JAG1: variants seen among roughly 807,000 people sequenced by gnomAD.
JAG1 encodes jagged canonical Notch ligand 1.
In JAG1, 23 loss-of-function variants were observed where a neutral mutation model predicts 148.7. The observed-to-expected ratio is 0.15, with a 90% CI of 0.11 to 0.22. JAG1 has a LOEUF of 0.22. Among genes scored for constraint, JAG1 ranks in the 10% least tolerant of loss-of-function variants. The pLI, the probability that JAG1 is intolerant of heterozygous loss-of-function variation, is 1.00. For missense variants in JAG1, 1,054 were observed against 1,611.2 expected, an observed-to-expected ratio of 0.65 and a Z score of 5.92; for synonymous variants, 572 against 598.3, an observed-to-expected ratio of 0.96 and a Z score of 0.64.
intron 5 of JAG1, among the ~76,000 whole-genome samples, chr20:10,656,085 A>T (rs1057233225): frequency 6.6e-6 from 1 of 152,218 alleles, no homozygotes; most frequent in African/African-American, 2.4e-5. Flanking sequence ...ACAAGCCCAC[A>T]TCCCTCCATC....
rs1328704951 is a variant in JAG1 at position 10,639,675 on chromosome 20, G to A, written c.3480C>T (p.Asp1160=). The A allele has an allele frequency of 1.2e-6, 2 of 1,614,086 alleles. No homozygotes were observed. The highest frequency in any genetic ancestry group is 1.7e-6 in the Non-Finnish European group (2 of 1,180,056). The change falls in exon 26 of 26, where the codon GAC becomes GAT. Residue 1160 remains aspartate, a synonymous_variant. Coordinates refer to ENST00000254958, the MANE Select transcript of JAG1 (RefSeq NM_000214.3). ...GGGCTTTCTGCTGGTGTTTGTCCAT[G>A]TCGTCCTCTTCTACTTCAGAATTGT... ...RTHNSEVEED[D]MDKHQQKARF...
chr20:10,660,362 C>T (rs1413357661), intron 3 of JAG1, among the ~76,000 whole-genome samples: 3 of 152,190 alleles, frequency 2.0e-5, no homozygotes, highest in Non-Finnish European at 2.9e-5. Context: ...AAACAGAGGC[C>T]AAGGAATGAC....
At chr20:10,670,210 G>T (rs1322958840) in intron 2 of JAG1, among the ~76,000 whole-genome samples, 1 of 152,086 alleles carries the variant, frequency 6.6e-6, no homozygotes, top group Non-Finnish European at 1.5e-5. Context: ...CTTGGATAGG[G>T]GTCATAATTC....
intron 3 of JAG1, among the ~76,000 whole-genome samples, chr20:10,661,947 G>A (rs577571199): frequency 9.2e-5 from 14 of 152,184 alleles, no homozygotes; most frequent in Non-Finnish European, 2.1e-4. Context: ...CTGGCTTATG[G>A]CAATGAGTGT....
Position 10,640,944 on chromosome 20 carries a change from A to C in JAG1, c.3049-11T>G. The C allele has an allele frequency of 1.2e-6, 2 of 1,614,122 alleles. No homozygotes were observed. The highest frequency in any genetic ancestry group is 1.7e-6 in the Non-Finnish European group (2 of 1,179,968). On this transcript the variant is annotated splice_polypyrimidine_tract_variant and intron_variant, in intron 24 of 25. Coordinates refer to ENST00000254958, the MANE Select transcript of JAG1 (RefSeq NM_000214.3). ...TATATCTTCAGCAGACTGGAAAAACAATTGTCAGACTTGAGAGTCAGAGGA... is the reference window on the plus strand; with the variant it reads ...TATATCTTCAGCAGACTGGAAAAACCATTGTCAGACTTGAGAGTCAGAGGA...
intron 12 of JAG1, 120 bp downstream of exon 12, chr20:10,648,428 AG>A: frequency 1.2e-6 from 1 of 847,258 alleles, no homozygotes; most frequent in Admixed American, 1.8e-5. Context: ...TCTCATCAAT[AG>A]GATGTTAATA....
chr20:10,649,361 G>A (rs947823495), intron 10 of JAG1, among the ~76,000 whole-genome samples, 161 bp downstream of exon 10: 1 of 152,148 alleles, frequency 6.6e-6, no homozygotes, highest in Non-Finnish European at 1.5e-5. Flanking sequence ...CTGATAAAGT[G>A]TATGTTTTCA....
rs1338558656 is a variant in JAG1, at chr20:10,639,013, A to G, written c.*485T>C. ...TCCCCCAACAACAAAAATACAATTA[A>G]AAAAAATAAATAATAAAGTCATTTG... On this transcript the variant is annotated 3_prime_UTR_variant, in exon 26 of 26. Transcript: ENST00000254958. 1.0e-5 allele frequency: 1 copy of G among 97,448 alleles called. No individual in the cohort carries two copies. Among genetic ancestry groups the G allele is most frequent in the East Asian group, 2.6e-4 (1 of 3,904 alleles). 6.0% of individuals were successfully genotyped at this position (97,448 alleles called of 1,614,324 possible).
chr20:10,640,991 CA>C, intron 24 of JAG1, 58 bp from the exon 25 acceptor site: 2 of 1,611,986 alleles, frequency 1.2e-6, no homozygotes, highest in Non-Finnish European at 1.7e-6. Flanking sequence ...AGCCTTTCTT[CA>C]AAATTACTCG....
intron 2 of JAG1, among the ~76,000 whole-genome samples, chr20:10,666,559 T>G (rs2067455207): frequency 1.3e-5 from 2 of 152,190 alleles, no homozygotes; most frequent in South Asian, 2.1e-4. Context: ...ACCTGGGTTT[T>G]TCTTGATTTC....
At position 10,673,445 on chromosome 20, in the gene JAG1, C is replaced by A; in HGVS notation, c.81+5G>T. 2 of 1,450,252 alleles carry A rather than the reference C, an allele frequency of 1.4e-6. No individual in the cohort carries two copies. The highest frequency in any genetic ancestry group is 1.8e-6 in the Non-Finnish European group (2 of 1,102,686). The allele number at this position is 1,450,252 out of a possible 1,614,324, so 89.8% of individuals were successfully genotyped here. On this transcript the variant is annotated splice_donor_5th_base_variant and intron_variant, in intron 1 of 25. Coordinates refer to ENST00000254958, the MANE Select transcript of JAG1 (RefSeq NM_000214.3). This position sits in a 1 kb window ranked among gnomAD's most constrained non-coding sequence, Gnocchi z 4.7. ...TGGGAGGGAGGCCCGGAGAAGGGCTCCTACCTTGGCTCGCAGGGCACAGAG... is the reference window on the plus strand; with the variant it reads ...TGGGAGGGAGGCCCGGAGAAGGGCTACTACCTTGGCTCGCAGGGCACAGAG...
rs894155195 is a variant in JAG1 at position 10,656,514 on chromosome 20, G to A, written c.695-56C>T. 1.2e-4 allele frequency: 170 copies of A among 1,466,864 alleles called. 3 individuals are homozygous for A. The South Asian group carries it at 1.6e-3, about 14-fold the overall frequency. The allele number at this position is 1,466,864 out of a possible 1,614,324, so 90.9% of individuals were successfully genotyped here. ...CACTGCCTGTTCCTTGCATCGCCCC[G>A]GTCATGAGAATGGCCCATTGCATTA... On this transcript the variant is annotated intron_variant, in intron 4 of 25. Transcript: ENST00000254958.
In JAG1 at chr20:10,661,150, G is replaced by C. The variant is rs557046832; in HGVS notation, c.440-2428C>G. Among the ~76,000 whole-genome samples, 4 of 152,292 alleles carry C rather than the reference G, an allele frequency of 2.6e-5. 1 individual carries two copies. The South Asian group carries it at 8.3e-4, about 32-fold the overall frequency. Reference sequence around the variant, plus strand: ...ATGTAATAAAAGACTTTGGAGGACCGATGACAGAAGGACCAGCCTTAAATA... The same window carrying C: ...ATGTAATAAAAGACTTTGGAGGACCCATGACAGAAGGACCAGCCTTAAATA... On this transcript the variant is annotated intron_variant, in intron 3 of 25. Transcript: ENST00000254958.
chr20:10,644,276 T>TCTCACACACTCACACA (rs1555828066), intron 19 of JAG1, 81 bp downstream of exon 19: 1 of 817,366 alleles, frequency 1.2e-6, no homozygotes, highest in African/African-American at 1.8e-5. Flanking sequence ...TGGGTGATTC[T>TCTCACACACTCACACA]CACACACACA....
chr20:10,670,935 G>GCAATTTTCTAGGT (rs1401996462), intron 2 of JAG1, among the ~76,000 whole-genome samples: 1 of 152,184 alleles, frequency 6.6e-6, no homozygotes, highest in Non-Finnish European at 1.5e-5. Context: ...GCGGACAGAC[G>GCAATTTTCTAGGT]CACTTTTCTA....
intron 4 of JAG1, among the ~76,000 whole-genome samples, chr20:10,657,823 C>T (rs1237767893): frequency 6.6e-6 from 1 of 152,162 alleles, no homozygotes; most frequent in Non-Finnish European, 1.5e-5. Context: ...CAAAGCCATG[C>T]CCCCAAAGAC....
At chr20:10,656,480 G>C (rs375044316) in intron 4 of JAG1, 22 bp from the exon 5 acceptor site, 7 of 1,608,904 alleles carry the variant, frequency 4.4e-6, no homozygotes, top group Admixed American at 1.7e-5. Flanking sequence ...AGAGAAGGGC[G>C]TGTCAGCACA....
chr20:10,646,235 A>C lies in JAG1; in HGVS notation c.1886-151T>G, dbSNP rs2067307459. ...ATCAGGGCTGTTTCTCAAATTAGACAGGCGGCTTATCAAGCAGAAGCTTCC... is the reference window on the plus strand; with the variant it reads ...ATCAGGGCTGTTTCTCAAATTAGACCGGCGGCTTATCAAGCAGAAGCTTCC... On this transcript the variant is annotated intron_variant, in intron 14 of 25. Transcript: ENST00000254958. 4.4e-6 allele frequency: 3 copies of C among 680,226 alleles called. No homozygotes were observed. The Admixed American group carries it at 6.2e-5, about 14-fold the overall frequency. 42.1% of individuals were successfully genotyped at this position (680,226 alleles called of 1,614,324 possible).
At position 10,639,629 on chromosome 20, in the gene JAG1, A is replaced by T. The variant is rs775990031; in HGVS notation, c.3526T>A (p.Tyr1176Asn). The T allele has an allele frequency of 2.1e-5, 34 of 1,614,202 alleles. No homozygotes were observed. Among genetic ancestry groups the T allele is most frequent in the Non-Finnish European group, 2.8e-5 (33 of 1,180,030 alleles). Reference protein sequence around the residue: ...QKARFAKQPAYTLVDREEKPP... With the variant: ...QKARFAKQPANTLVDREEKPP... ...TTCTCTTCTCTGTCTACCAGCGTGT[A>T]CGCCGGCTGCTTGGCAAACCGGGCT... The change falls in exon 26 of 26, where the codon TAC (tyrosine) becomes AAC (asparagine). Residue 1176 changes from tyrosine (Y) to asparagine (N), a missense_variant. Physicochemically the swap from Tyr to Asn is moderately radical, Grantham distance 143. Transcript: ENST00000254958.
Sources: allele counts gnomAD v4.1 joint callset (sites outside exome capture counted in the v4.1 genomes callset), GRCh38; gene constraint gnomAD v4.1.1; non-coding constraint Gnocchi (gnomAD v3.1); transcripts MANE v1.5; gene names NCBI Gene and HGNC (gene_info 2026-07-23, HGNC 2026-07-21).